The following FAM171A1 variants were observed in gnomAD, a reference collection of about 807,000 sequenced individuals.
FAM171A1 encodes the protein family with sequence similarity 171 member A1, also known as protein FAM171A1.
In FAM171A1, 23 loss-of-function variants were observed where a neutral mutation model predicts 74.9. The observed-to-expected ratio is 0.31, with a 90% confidence interval of 0.22 to 0.44. FAM171A1 has a LOEUF of 0.44. Ranked by LOEUF, FAM171A1 falls within the 20% of genes least tolerant of loss-of-function variation. The pLI is 1.00. For missense variants in FAM171A1, 1,162 were observed against 1,159.2 expected (o/e 1.00, Z -0.03); for synonymous variants, 527 against 505.7 (o/e 1.04, Z -0.57).
chr10:15,231,449 C>A (rs75654563), intron 5 of FAM171A1, among the ~76,000 whole-genome samples: 21,584 of 152,062 alleles, frequency 0.14, 1,651 homozygotes, highest in Middle Eastern at 0.19. Flanking sequence ...GTGATCTTCT[C>A]CCCTTGCCTT....
intron 6 of FAM171A1, among the ~76,000 whole-genome samples, chr10:15,217,744 T>C (rs564613756): frequency 6.6e-6 from 1 of 152,068 alleles, no homozygotes; most frequent in Non-Finnish European, 1.5e-5. Flanking sequence ...TTTAAGTGAT[T>C]CTCCTGCCTC....
intron 1 of FAM171A1, among the ~76,000 whole-genome samples, chr10:15,357,919 C>A (rs1225151705): frequency 6.6e-6 from 1 of 152,124 alleles, no homozygotes; most frequent in Non-Finnish European, 1.5e-5. Context: ...CCCATAATAC[C>A]ATCTATCAGT....
At chr10:15,325,167 C>T (rs182833789) in intron 1 of FAM171A1, among the ~76,000 whole-genome samples, 1 of 152,302 alleles carries the variant, frequency 6.6e-6, no homozygotes, top group Admixed American at 6.5e-5. Flanking sequence ...CAATTTCCAG[C>T]TGTTCCAGCT....
intron 1 of FAM171A1, among the ~76,000 whole-genome samples, chr10:15,305,185 A>G (rs975550483): frequency 2.0e-5 from 3 of 152,244 alleles, no homozygotes; most frequent in East Asian, 1.9e-4. Flanking sequence ...CTGGTGCAGA[A>G]CTAGTTTTAT....
intron 1 of FAM171A1, among the ~76,000 whole-genome samples, chr10:15,285,947 C>T (rs563214439): frequency 2.0e-5 from 3 of 152,242 alleles, no homozygotes; most frequent in Non-Finnish European, 2.9e-5. Context: ...GCAATTCTCA[C>T]TGGAGGTTCG....
chr10:15,335,589 T>C (rs551783541), intron 1 of FAM171A1, among the ~76,000 whole-genome samples: 1 of 152,332 alleles, frequency 6.6e-6, no homozygotes, highest in Admixed American at 6.5e-5. Context: ...TTACAAATAG[T>C]GTGCTTCTAT....
chr10:15,296,089 T>C (rs1274849264), intron 1 of FAM171A1, among the ~76,000 whole-genome samples: 2 of 152,216 alleles, frequency 1.3e-5, no homozygotes, highest in Non-Finnish European at 2.9e-5. Flanking sequence ...GGATGCCTAA[T>C]GCGTGAAGGG....
At chr10:15,348,624 C>T (rs572014799) in intron 1 of FAM171A1, among the ~76,000 whole-genome samples, 1 of 152,156 alleles carries the variant, frequency 6.6e-6, no homozygotes, top group Non-Finnish European at 1.5e-5. Flanking sequence ...CCTGCTACTT[C>T]GAGTGTGGTC....
chr10:15,354,494 T>C (rs753607331), intron 1 of FAM171A1, among the ~76,000 whole-genome samples: 2 of 150,342 alleles, frequency 1.3e-5, no homozygotes, highest in Non-Finnish European at 3.0e-5. Context: ...AGACCCTGTC[T>C]CAAAAAAAAG....
intron 5 of FAM171A1, among the ~76,000 whole-genome samples, chr10:15,240,279 T>A (rs1179773886): frequency 2.0e-5 from 3 of 152,112 alleles, no homozygotes; most frequent in Non-Finnish European, 2.9e-5. Context: ...GAGAATCACT[T>A]GAACCCAGGA....
At position 15,369,344 on chromosome 10, in the gene FAM171A1, G is replaced by A. The variant is rs569072954; in HGVS notation, c.97+1612C>T. Among the ~76,000 whole-genome samples, 3 of 151,450 alleles carry A rather than the reference G, an allele frequency of 2.0e-5. No homozygotes were observed. The South Asian group carries it at 6.3e-4, about 32-fold the overall frequency. The stretch of plus-strand genomic sequence containing the variant: ...TTCAACTTGCTCTTTAAAATTAACG[G>A]CCTCGCTGAAGTGCAAATATCATTC... On this transcript the variant is annotated intron_variant, in intron 1 of 7. Coordinates refer to ENST00000378116, the MANE Select transcript of FAM171A1 (RefSeq NM_001010924.2).
rs113267610 is a variant in FAM171A1, at chr10:15,299,654, T to C, written c.98-15549A>G. ...GAAAGTGCTACGTGGGAGCCAGTAG[T>C]GAAGAAACTGACTCATTAATTATTT... On this transcript the variant is annotated intron_variant, in intron 1 of 7. Transcript: ENST00000378116. Among the ~76,000 whole-genome samples, 1,101 of 151,962 alleles carry C rather than the reference T, an allele frequency of 7.2e-3. 15 individuals are homozygous for C. The highest frequency in any genetic ancestry group is 0.025 in the African/African-American group (1,043 of 41,450).
chr10:15,218,167 CCTCCCAGGTTCGGATAATT>C (rs1301875711), intron 6 of FAM171A1, among the ~76,000 whole-genome samples: 2 of 151,956 alleles, frequency 1.3e-5, no homozygotes, highest in Admixed American at 6.6e-5. Context: ...GCAACCTCTG[CCTCCCAGGTTCGGATAATT>C]CTCCTGCCTC....
chr10:15,272,217 A>T (rs1472127491), intron 3 of FAM171A1, among the ~76,000 whole-genome samples: 1 of 152,028 alleles, frequency 6.6e-6, no homozygotes, highest in African/African-American at 2.4e-5. Flanking sequence ...GAAAACAAAC[A>T]AACAAAAAAA....
At position 15,355,146 on chromosome 10, in the gene FAM171A1, A is replaced by G. The variant is rs150251373; in HGVS notation, c.97+15810T>C. On this transcript the variant is annotated intron_variant, in intron 1 of 7. Coordinates refer to ENST00000378116, the MANE Select transcript of FAM171A1 (RefSeq NM_001010924.2). ...CTGACATCCAGGCAAGTGCAGTGGC[A>G]GAATCATGGTTCACTGCAGCCTAGA... Among the ~76,000 whole-genome samples, 686 of 152,346 alleles carry G rather than the reference A, an allele frequency of 4.5e-3. 8 individuals carry two copies. The highest frequency in any genetic ancestry group is 0.016 in the African/African-American group (652 of 41,588).
intron 1 of FAM171A1, among the ~76,000 whole-genome samples, chr10:15,284,363 T>C (rs757525156): frequency 5.9e-5 from 9 of 152,074 alleles, no homozygotes; most frequent in Non-Finnish European, 8.8e-5. Flanking sequence ...AATCAACAAA[T>C]GATCAAGAGA....
intron 1 of FAM171A1, among the ~76,000 whole-genome samples, chr10:15,322,997 G>A (rs548205812): frequency 7.9e-5 from 12 of 151,364 alleles, no homozygotes; most frequent in Middle Eastern, 3.5e-3. Flanking sequence ...AAAATTAGAC[G>A]GGCGTGGTGG....
chr10:15,280,890 T>A (rs888691822), intron 2 of FAM171A1, among the ~76,000 whole-genome samples: 1 of 152,234 alleles, frequency 6.6e-6, no homozygotes, highest in African/African-American at 2.4e-5. Context: ...ATTTTGGAGA[T>A]GTTTCCTGTT....
chr10:15,228,803 C>T (rs1349449580), intron 5 of FAM171A1, among the ~76,000 whole-genome samples: 7 of 152,320 alleles, frequency 4.6e-5, no homozygotes, highest in East Asian at 3.9e-4. Flanking sequence ...ACTTCCTAGT[C>T]GTGTGCGCTG....
Sources: allele counts gnomAD v4.1 joint callset (sites outside exome capture counted in the v4.1 genomes callset), GRCh38; gene constraint gnomAD v4.1.1; transcripts MANE v1.5; gene names NCBI Gene and HGNC (gene_info 2026-07-23, HGNC 2026-07-21).